The following UST variants were observed in gnomAD, a reference collection of about 807,000 sequenced individuals.
The protein encoded by UST is chondroitin sulfate 2-O-sulfotransferase.
Under a neutral mutation model 45.6 loss-of-function variants are expected in UST, and 21 were observed. That is an observed-to-expected ratio of 0.46 (90% CI 0.33 to 0.66). The LOEUF is 0.66. Among genes scored for constraint, UST ranks in the 30% least tolerant of loss-of-function variants. The probability of loss-of-function intolerance (pLI) is 0.02; values close to 1 mark genes in which losing one functional copy is unlikely to be tolerated. For missense variants in UST, 463 were observed against 512.4 expected (o/e 0.90, Z 0.93); for synonymous variants, 215 against 200.6 (o/e 1.07, Z -0.61).
intron 1 of UST, among the ~76,000 whole-genome samples, chr6:148,759,895 C>T (rs1252498177): frequency 1.3e-5 from 2 of 148,526 alleles, no homozygotes; most frequent in African/African-American, 2.5e-5. Context: ...TTTTTCTGTG[C>T]ACTCCCAGGG....
intron 3 of UST, among the ~76,000 whole-genome samples, chr6:148,943,084 G>C (rs1780161365): frequency 6.6e-6 from 1 of 152,098 alleles, no homozygotes; most frequent in African/African-American, 2.4e-5. Context: ...TGATTAGGCT[G>C]GTGATGCCTT....
Position 148,748,747 on chromosome 6 carries a change from C to T in UST, c.247+1070C>T, listed in dbSNP as rs1297248598. On this transcript the variant is annotated intron_variant, in intron 1 of 7. Transcript: ENST00000367463. The surrounding 1 kb of genome is among the most constrained non-coding windows in gnomAD (Gnocchi z 5.3). ...CTTGCAAGCATCCGAAGTGATAAGC[C>T]TGAGCATCTGCACGATGAGAGCGAG... Among the ~76,000 whole-genome samples, 1 of 152,030 alleles carries T rather than the reference C, an allele frequency of 6.6e-6. No homozygotes were observed. Among genetic ancestry groups the T allele is most frequent in the East Asian group, 1.9e-4 (1 of 5,178 alleles).
intron 7 of UST, among the ~76,000 whole-genome samples, chr6:149,045,821 G>T (rs990653009): frequency 6.6e-6 from 1 of 152,002 alleles, no homozygotes; most frequent in East Asian, 1.9e-4. Context: ...TTATTTAAAG[G>T]GATGCAGATT....
At chr6:148,816,912 C>T (rs1777366551) in intron 1 of UST, among the ~76,000 whole-genome samples, 2 of 152,170 alleles carry the variant, frequency 1.3e-5, no homozygotes, top group Admixed American at 6.5e-5. Context: ...TTACCCCCAA[C>T]AGATGCAGTC....
intron 1 of UST, among the ~76,000 whole-genome samples, chr6:148,761,225 C>A (rs1188950272): frequency 6.6e-6 from 1 of 152,140 alleles, no homozygotes; most frequent in Admixed American, 6.5e-5. Context: ...TTGATGGGTC[C>A]CCTGAGACGC....
At chr6:148,943,067 G>A (rs963040721) in intron 3 of UST, among the ~76,000 whole-genome samples, 1 of 152,158 alleles carries the variant, frequency 6.6e-6, no homozygotes, top group African/African-American at 2.4e-5. Context: ...TGATTGAAGA[G>A]CTAATGTGAT....
chr6:149,010,114 A>T lies in UST; in HGVS notation c.682-9025A>T, dbSNP rs150909745. On this transcript the variant is annotated intron_variant, in intron 5 of 7. Transcript: ENST00000367463. ...TTTCCTATAGTTACATATTCTTTGT[A>T]AACATTTTAAATGACTGCAGTTATT... 8.0e-3 allele frequency among the ~76,000 whole-genome samples: 1,225 copies of T among 152,216 alleles called. 8 individuals carry two copies. The highest frequency in any genetic ancestry group is 0.027 in the Middle Eastern group (8 of 292).
At chr6:148,930,228 T>A (rs1438738489) in intron 2 of UST, among the ~76,000 whole-genome samples, 1 of 152,202 alleles carries the variant, frequency 6.6e-6, no homozygotes, top group Non-Finnish European at 1.5e-5. Context: ...CAGCGTTCAA[T>A]TCCCTTGTTA....
intron 7 of UST, among the ~76,000 whole-genome samples, chr6:149,030,739 A>G (rs1388549561): frequency 4.6e-5 from 7 of 151,248 alleles, no homozygotes; most frequent in Non-Finnish European, 8.9e-5. Flanking sequence ...TTACCTTAAC[A>G]CACACACAAG....
At chr6:149,045,838 C>T (rs949704816) in intron 7 of UST, among the ~76,000 whole-genome samples, 3 of 152,136 alleles carry the variant, frequency 2.0e-5, no homozygotes, top group Non-Finnish European at 2.9e-5. Context: ...GATTACTCCA[C>T]AGTGCCACAA....
chr6:148,971,772 C>T (rs1780923963), intron 5 of UST, among the ~76,000 whole-genome samples: 1 of 152,118 alleles, frequency 6.6e-6, no homozygotes, highest in Non-Finnish European at 1.5e-5. Flanking sequence ...TCTTAAAGAT[C>T]CCTGGGGAGG....
intron 2 of UST, among the ~76,000 whole-genome samples, chr6:148,900,182 T>C (rs1276007038): frequency 6.6e-6 from 1 of 152,236 alleles, no homozygotes; most frequent in Admixed American, 6.5e-5. Context: ...TTAGGTGTTG[T>C]GTCAGTGTGG....
intron 5 of UST, among the ~76,000 whole-genome samples, chr6:149,007,358 G>A: frequency 6.6e-6 from 1 of 150,442 alleles, no homozygotes; most frequent in African/African-American, 2.4e-5. Context: ...TGCAATCTCG[G>A]CTCACTGCAA....
chr6:148,894,644 C>T (rs528101525), intron 2 of UST, among the ~76,000 whole-genome samples: 8 of 152,150 alleles, frequency 5.3e-5, no homozygotes, highest in South Asian at 2.1e-4. Flanking sequence ...TTTAAGCCAC[C>T]AAGTTTGTGG....
chr6:148,877,573 G>GA (rs1175493123), intron 1 of UST, among the ~76,000 whole-genome samples: 6 of 140,818 alleles, frequency 4.3e-5, no homozygotes, highest in Non-Finnish European at 9.2e-5. Context: ...GAGTGCAGGG[G>GA]TCGTGTATGA....
At chr6:148,958,161 G>A (rs1300979351) in intron 4 of UST, among the ~76,000 whole-genome samples, 1 of 152,058 alleles carries the variant, frequency 6.6e-6, no homozygotes, top group African/African-American at 2.4e-5. Flanking sequence ...AGCACTTGGT[G>A]TTTCTCTAGC....
chr6:148,884,334 C>G (rs780182203), intron 1 of UST, among the ~76,000 whole-genome samples: 29 of 152,120 alleles, frequency 1.9e-4, no homozygotes, highest in Non-Finnish European at 3.8e-4. Context: ...GAACAGGTCA[C>G]ACAAGTCCCT....
intron 5 of UST, among the ~76,000 whole-genome samples, chr6:148,979,284 G>A (rs1781082240): frequency 6.6e-6 from 1 of 152,162 alleles, no homozygotes; most frequent in Admixed American, 6.5e-5. Context: ...TGTAATAAAT[G>A]CAGACTAGAA....
chr6:148,939,355 G>A (rs1780081952), intron 2 of UST, among the ~76,000 whole-genome samples: 1 of 152,132 alleles, frequency 6.6e-6, no homozygotes, highest in Admixed American at 6.6e-5. Context: ...TGACCCTAAA[G>A]TTCACATGGA....
Sources: allele counts gnomAD v4.1 joint callset (sites outside exome capture counted in the v4.1 genomes callset), GRCh38; gene constraint gnomAD v4.1.1; non-coding constraint Gnocchi (gnomAD v3.1); transcripts MANE v1.5; gene names NCBI Gene and HGNC (gene_info 2026-07-23, HGNC 2026-07-21).